ANXA3: variants seen among roughly 807,000 people sequenced by gnomAD.
ANXA3 encodes the protein annexin A3.
ANXA3 carries 46 observed loss-of-function variants against 48.8 expected under a neutral mutation model. The observed-to-expected ratio is 0.94, with a 90% CI of 0.74 to 1.21. The LOEUF (loss-of-function observed/expected upper bound fraction) is 1.21. Among genes scored for constraint, ANXA3 ranks in the 50% most tolerant of loss-of-function variants. ANXA3 has a pLI of 0.00. For missense variants in ANXA3, 383 were observed against 378.6 expected (o/e 1.01, Z -0.10); for synonymous variants, 128 against 134.7 (o/e 0.95, Z 0.35).
At chr4:78,607,264 A>C (rs1041776804) in intron 12 of ANXA3, among the ~76,000 whole-genome samples, 2 of 152,214 alleles carry the variant, frequency 1.3e-5, no homozygotes, top group East Asian at 3.8e-4. Context: ...TTATTAAGTA[A>C]TCTCATTACA....
At chr4:78,592,685 A>G (rs1179893248) in intron 7 of ANXA3, among the ~76,000 whole-genome samples, 1 of 152,218 alleles carries the variant, frequency 6.6e-6, no homozygotes, top group Admixed American at 6.5e-5. Context: ...TAAGTCTTAA[A>G]GCATTCATTT....
chr4:78,555,432 C>T (rs952528955), intron 2 of ANXA3, among the ~76,000 whole-genome samples: 3 of 152,094 alleles, frequency 2.0e-5, no homozygotes, highest in African/African-American at 7.2e-5. Context: ...AGACTTATTT[C>T]CTTAACATAC....
rs191383984 is a variant in ANXA3, at chr4:78,556,780, G to A, written c.15+2292G>A. ...AATGCTGGTGTTAAAAAAAAAAGTC[G>A]CCCTCTGGCCCTCGCCCATGAGTAA... is the stretch of plus-strand genomic sequence containing the variant. On this transcript the variant is annotated intron_variant, in intron 2 of 12. Transcript: ENST00000264908. 5.3e-4 allele frequency among the ~76,000 whole-genome samples: 81 copies of A among 152,082 alleles called. 1 individual carries two copies. The East Asian group carries it at 0.013, about 24-fold the overall frequency.
At chr4:78,598,553 T>TC (rs1450730927) in intron 10 of ANXA3, among the ~76,000 whole-genome samples, 2 of 150,668 alleles carry the variant, frequency 1.3e-5, no homozygotes, top group Non-Finnish European at 2.9e-5. Flanking sequence ...TCTTTTTTTT[T>TC]CTTTGTGACG....
intron 2 of ANXA3, among the ~76,000 whole-genome samples, chr4:78,556,070 C>T (rs905369253): frequency 1.3e-5 from 2 of 152,054 alleles, no homozygotes; most frequent in Non-Finnish European, 2.9e-5. Context: ...TGCACATGTC[C>T]TTTAAACCCA....
Position 78,554,443 on chromosome 4 carries a change from TG to T in ANXA3, c.-30del. ...ATTGTTTTCTTTTAATAGATTAGTG[TG>T]ATCTCAGCTCAAGGCAAAGGTGGGA... On this transcript the variant is annotated 5_prime_UTR_variant, in exon 2 of 13. Transcript: ENST00000264908. 6.2e-7 allele frequency: 1 copy of T among 1,606,832 alleles called. No homozygotes were observed. The highest frequency in any genetic ancestry group is 1.7e-5 in the Admixed American group (1 of 60,004).
At chr4:78,593,454 A>T (rs570504054) in intron 7 of ANXA3, among the ~76,000 whole-genome samples, 1 of 150,990 alleles carries the variant, frequency 6.6e-6, no homozygotes, top group South Asian at 2.1e-4. Flanking sequence ...CACCCGCCTC[A>T]GCCTCCCAAA....
At chr4:78,596,470 G>C (rs1167802638) in intron 9 of ANXA3, among the ~76,000 whole-genome samples, 1 of 152,164 alleles carries the variant, frequency 6.6e-6, no homozygotes, top group Non-Finnish European at 1.5e-5. Flanking sequence ...TTCATTTACT[G>C]TGAACATCTT....
intron 9 of ANXA3, 28 bp downstream of exon 9, chr4:78,595,915 G>C: frequency 7.2e-7 from 1 of 1,387,792 alleles, no homozygotes; most frequent in South Asian, 1.2e-5. Flanking sequence ...AATCCTTTGT[G>C]TTGTATGTTG....
chr4:78,585,775 G>C (rs574413646), intron 5 of ANXA3, among the ~76,000 whole-genome samples: 5 of 152,264 alleles, frequency 3.3e-5, no homozygotes, highest in Admixed American at 1.3e-4. Context: ...ACAGGACTGA[G>C]AGGTAATTAG....
At chr4:78,601,761 T>G in intron 11 of ANXA3, 193 bp downstream of exon 11, 2 of 474,656 alleles carry the variant, frequency 4.2e-6, no homozygotes, top group Non-Finnish European at 3.7e-6. Context: ...CTCTTCAAAA[T>G]AAACAGACCT....
chr4:78,593,598 C>T (rs1172869290), intron 7 of ANXA3, among the ~76,000 whole-genome samples: 1 of 150,338 alleles, frequency 6.7e-6, no homozygotes, highest in Non-Finnish European at 1.5e-5. Context: ...TCCCATATGA[C>T]CCTATTCTAC....
chr4:78,572,674 A>G (rs1352319939), intron 2 of ANXA3, among the ~76,000 whole-genome samples: 1 of 152,168 alleles, frequency 6.6e-6, no homozygotes, highest in East Asian at 1.9e-4. Context: ...CAAAAGCCTA[A>G]AAGACTTCTC....
intron 2 of ANXA3, among the ~76,000 whole-genome samples, chr4:78,557,640 G>C (rs1578389298): frequency 6.6e-6 from 1 of 152,008 alleles, no homozygotes; most frequent in East Asian, 1.9e-4. Context: ...CCCACACGTG[G>C]AGAAAGAGGC....
intron 5 of ANXA3, among the ~76,000 whole-genome samples, chr4:78,583,800 A>G (rs1450783322): frequency 6.6e-6 from 1 of 152,216 alleles, no homozygotes; most frequent in Non-Finnish European, 1.5e-5. Context: ...CTCTGGTCTT[A>G]AGGCGTTTCA....
At chr4:78,570,320 A>G (rs1038825881) in intron 2 of ANXA3, among the ~76,000 whole-genome samples, 3 of 152,220 alleles carry the variant, frequency 2.0e-5, no homozygotes, top group African/African-American at 7.2e-5. Flanking sequence ...TTTGATGTGT[A>G]GGTGGTAAAG....
At chr4:78,569,949 G>T (rs547027701) in intron 2 of ANXA3, among the ~76,000 whole-genome samples, 1 of 152,300 alleles carries the variant, frequency 6.6e-6, no homozygotes, top group South Asian at 2.1e-4. Context: ...GCTCTTGTAA[G>T]AGTTAAATGT....
chr4:78,589,388 A>C (rs936737241), intron 6 of ANXA3, among the ~76,000 whole-genome samples: 3 of 152,236 alleles, frequency 2.0e-5, no homozygotes, highest in African/African-American at 7.2e-5. Context: ...AAGATCAAGA[A>C]GGAAATTGTC....
chr4:78,572,248 C>T (rs1157729501), intron 2 of ANXA3, among the ~76,000 whole-genome samples: 1 of 152,102 alleles, frequency 6.6e-6, no homozygotes, highest in East Asian at 1.9e-4. Flanking sequence ...ATTTGTTACA[C>T]AAAAGAAAAA....
Sources: gnomAD v4.1 joint callset for allele counts (sites outside exome capture counted in the v4.1 genomes callset) on GRCh38, gnomAD v4.1.1 for gene constraint, MANE v1.5 for transcripts, NCBI Gene and HGNC (gene_info 2026-07-23, HGNC 2026-07-21) for gene names.